KNOP1: variants seen among roughly 807,000 people sequenced by gnomAD.
KNOP1 encodes lysine rich nucleolar protein 1, also known as lysine-rich nucleolar protein 1.
In KNOP1, 20 loss-of-function variants were observed where a neutral mutation model predicts 30.6. The observed-to-expected ratio is 0.65, with a 90% CI of 0.46 to 0.95. The LOEUF (loss-of-function observed/expected upper bound fraction) is 0.95. Ranked by LOEUF, KNOP1 falls within the 40% of genes least tolerant of loss-of-function variation. The pLI is 0.00. For synonymous variants in KNOP1, 204 were observed against 210.0 expected, an observed-to-expected ratio of 0.97 and a Z score of 0.25; for missense variants, 540 against 562.0, an observed-to-expected ratio of 0.96 and a Z score of 0.40.
chr16:19,706,515 A>G lies in KNOP1; in HGVS notation c.*395T>C, dbSNP rs540401540. 5.0e-6 allele frequency: 1 copy of G among 201,388 alleles called. No homozygotes were observed. Among genetic ancestry groups the G allele is most frequent in the South Asian group, 9.8e-5 (1 of 10,216 alleles). The allele number at this position is 201,388 out of a possible 1,614,324, so 12.5% of individuals were successfully genotyped here. ...CCTAGTACCTGCTAAACACTCAACAAAAGTTAACTGTACATACTGATGTCT... is the reference window on the plus strand; with the variant it reads ...CCTAGTACCTGCTAAACACTCAACAGAAGTTAACTGTACATACTGATGTCT... On this transcript the variant is annotated 3_prime_UTR_variant, in exon 5 of 5. Transcript: ENST00000219837.
At position 19,714,391 on chromosome 16, in the gene KNOP1, T is replaced by C. The variant is rs377556517; in HGVS notation, c.645A>G (p.Lys215=). The change falls in exon 2 of 5, where the codon AAA becomes AAG. Residue 215 remains lysine (K), a synonymous_variant. Coordinates refer to ENST00000219837, the MANE Select transcript of KNOP1 (RefSeq NM_001012991.3). ...PREHNGKVKK[K]KKIHQEGDAL... ...CATCTCCCTCCTGGTGGATTTTTTT[T>C]TTCTTCTTCACCTTCCCATTGTGTT... is the stretch of plus-strand genomic sequence containing the variant. The C allele has an allele frequency of 3.5e-4, 566 of 1,614,008 alleles. 1 individual carries two copies. The African/African-American group carries it at 6.7e-3, about 19-fold the overall frequency.
intron 2 of KNOP1, chr16:19,711,663 T>C: frequency 1.8e-6 from 1 of 562,648 alleles, no homozygotes; most frequent in Non-Finnish European, 3.2e-6. Context: ...ATTTGACGGA[T>C]GAAGAAACTG....
rs898196465 is a variant in KNOP1, at chr16:19,705,273, G to C, written c.*1637C>G. 8.8e-6 allele frequency: 4 copies of C among 455,884 alleles called. No homozygotes were observed. The highest frequency in any genetic ancestry group is 2.4e-5 in the Admixed American group (1 of 42,536). The allele number at this position is 455,884 out of a possible 1,614,324, so 28.2% of individuals were successfully genotyped here. On this transcript the variant is annotated 3_prime_UTR_variant, in exon 5 of 5. Transcript: ENST00000219837. ...CGTGAGACTGAACTTTCTGGCCATC[G>C]AGGCCTGCCTGGGCTGGGATGTCTG...
chr16:19,714,814 G>A lies in KNOP1; in HGVS notation c.222C>T (p.Val74=), dbSNP rs1318548510. The A allele has an allele frequency of 1.4e-5, 22 of 1,613,716 alleles. No homozygotes were observed. The highest frequency in any genetic ancestry group is 1.9e-5 in the Non-Finnish European group (22 of 1,179,908). Residue 74 remains valine, a synonymous_variant, in exon 2 of 5, where the codon GTC becomes GTT. Coordinates refer to ENST00000219837, the MANE Select transcript of KNOP1 (RefSeq NM_001012991.3). ...VKKKKKKKKG[V]STLCEEHVEP... Reference sequence around the variant, plus strand: ...CTACATGCTCCTCGCAAAGGGTGCTGACACCCTTCTTTTTCTTCTTCTTTT... The same window carrying A: ...CTACATGCTCCTCGCAAAGGGTGCTAACACCCTTCTTTTTCTTCTTCTTTT...
At position 19,705,023 on chromosome 16, in the gene KNOP1, A is replaced by G; in HGVS notation, c.*1887T>C. The G allele has an allele frequency of 2.8e-6, 1 of 363,554 alleles. No homozygotes were observed. Among genetic ancestry groups the G allele is most frequent in the Non-Finnish European group, 5.5e-6 (1 of 182,092 alleles). 22.5% of individuals were successfully genotyped at this position (363,554 alleles called of 1,614,324 possible). On this transcript the variant is annotated 3_prime_UTR_variant, in exon 5 of 5. Coordinates refer to ENST00000219837, the MANE Select transcript of KNOP1 (RefSeq NM_001012991.3). ...GCCTTCCCATGACAGGGGCGGGTGC[A>G]GCTATGGGCAGATGACTCATTGCCC... is the stretch of plus-strand genomic sequence containing the variant.
intron 2 of KNOP1, among the ~76,000 whole-genome samples, chr16:19,713,723 C>A (rs1044680403): frequency 2.0e-5 from 3 of 152,294 alleles, no homozygotes; most frequent in Non-Finnish European, 2.9e-5. Flanking sequence ...ACAGGCACTA[C>A]GTTATCTCAT....
chr16:19,711,505 C>T (rs1976720391), intron 2 of KNOP1, 65 bp from the exon 3 acceptor site: 11 of 1,500,886 alleles, frequency 7.3e-6, no homozygotes, highest in African/African-American at 1.4e-5. Context: ...CCTCTGCACC[C>T]AGCCAGGGTG....
rs1023551043 is a variant in KNOP1, at chr16:19,710,722, G to C, written c.988-136C>G. The C allele has an allele frequency of 4.3e-6, 3 of 700,514 alleles. No homozygotes were observed. In the Admixed American group the frequency reaches 6.5e-5, roughly 15 times the overall value. 43.4% of individuals were successfully genotyped at this position (700,514 alleles called of 1,614,324 possible). ...AGCTTGACTCTGCTACAAACAATGG[G>C]AAGCTGCTATCATAAGTATTCTCTT... On this transcript the variant is annotated intron_variant, in intron 3 of 4. Coordinates refer to ENST00000219837, the MANE Select transcript of KNOP1 (RefSeq NM_001012991.3).
At position 19,704,900 on chromosome 16, in the gene KNOP1, C is replaced by G; in HGVS notation, c.*2010G>C. ...GGATCAGGGTTCAGAGCCAGGGAAA[C>G]TGCCTGAAGTGCCTGCCTCACCTCT... On this transcript the variant is annotated 3_prime_UTR_variant, in exon 5 of 5. Transcript: ENST00000219837. 1 of 281,572 alleles carries G rather than the reference C, an allele frequency of 3.6e-6. No individual in the cohort carries two copies. Among genetic ancestry groups the G allele is most frequent in the Non-Finnish European group, 7.0e-6 (1 of 142,648 alleles). The allele number at this position is 281,572 out of a possible 1,614,324, so 17.4% of individuals were successfully genotyped here. A position where few individuals can be genotyped will look rare whatever the true frequency, so the allele number is the denominator to read the frequency against.
chr16:19,716,937 G>A (rs1977144262), intron 1 of KNOP1, among the ~76,000 whole-genome samples: 1 of 152,184 alleles, frequency 6.6e-6, no homozygotes. Context: ...CCACCTCCCG[G>A]GTTCAAGCAA....
intron 4 of KNOP1, among the ~76,000 whole-genome samples, chr16:19,709,255 CAGATCTTT>C (rs1439023190): frequency 6.6e-6 from 1 of 152,208 alleles, no homozygotes; most frequent in Non-Finnish European, 1.5e-5. Flanking sequence ...GTAGTGAAAT[CAGATCTTT>C]TGATCCGAAT....
At chr16:19,713,673 TA>T (rs1407645018) in intron 2 of KNOP1, among the ~76,000 whole-genome samples, 2 of 152,186 alleles carry the variant, frequency 1.3e-5, no homozygotes, top group East Asian at 3.9e-4. Flanking sequence ...ATTTGATGTA[TA>T]AATTGTGTAT....
At chr16:19,709,300 C>T (rs765026382) in intron 4 of KNOP1, among the ~76,000 whole-genome samples, 53 of 152,334 alleles carry the variant, frequency 3.5e-4, no homozygotes, top group Non-Finnish European at 5.7e-4. Flanking sequence ...AATGCTCTGA[C>T]GGAGCCTGAA....
Position 19,714,192 on chromosome 16 carries a change from C to T in KNOP1, c.844G>A (p.Glu282Lys), listed in dbSNP as rs764917120. 10 of 1,613,996 alleles carry T rather than the reference C, an allele frequency of 6.2e-6. No homozygotes were observed. The highest frequency in any genetic ancestry group is 1.6e-4 in the Middle Eastern group (1 of 6,084). The change falls in exon 2 of 5, where the codon GAG becomes AAG. Residue 282 changes from glutamate (E) to lysine (K), a missense_variant. Coordinates refer to ENST00000219837, the MANE Select transcript of KNOP1 (RefSeq NM_001012991.3). ...TTCTTCCTTTTCAGAGCTGGCTCCT[C>T]GATGACTGGCTGCTCTACCTTCTTT... is the stretch of plus-strand genomic sequence containing the variant. Reference protein sequence around the residue: ...SKKKVEQPVIEEPALKRKKKK... With the variant: ...SKKKVEQPVIKEPALKRKKKK...
In KNOP1 at chr16:19,707,022, C is replaced by CG; in HGVS notation, c.1264dup (p.Arg422ProfsTer26). ...CCGGCTGTACTTCCAGCTCATGGCC[C>CG]GGTCGTAGTCCCGCTGCAGATTCTG... is the stretch of plus-strand genomic sequence containing the variant. On this transcript the variant is annotated frameshift_variant, in exon 5 of 5. Transcript: ENST00000219837. LOFTEE classifies it high-confidence loss of function. 1 of 1,614,116 alleles carries CG rather than the reference C, an allele frequency of 6.2e-7. No individual in the cohort carries two copies.
chr16:19,717,328 C>T (rs1203715851), intron 1 of KNOP1: 2 of 985,278 alleles, frequency 2.0e-6, no homozygotes, highest in African/African-American at 3.5e-5. Context: ...GATAAAGGAG[C>T]TTGCAAAGAA....
At chr16:19,711,113 C>T (rs1597467175) in intron 3 of KNOP1, among the ~76,000 whole-genome samples, 1 of 152,240 alleles carries the variant, frequency 6.6e-6, no homozygotes, top group Non-Finnish European at 1.5e-5. Context: ...ATGTCCCCCA[C>T]ATCCTGCAGC....
At position 19,707,076 on chromosome 16, in the gene KNOP1, A is replaced by G. The variant is rs747407192; in HGVS notation, c.1211T>C (p.Leu404Pro). 5.6e-6 allele frequency: 9 copies of G among 1,614,114 alleles called. No homozygotes were observed. The South Asian group carries it at 7.7e-5, about 14-fold the overall frequency. ...CAGGCTGTCAGCCGCCTTCTTGCCG[A>G]GGGCCATGTTGGGCCTTGCAATCGT... ...ASTIARPNMA[L>P]GKKAADSLQQ... The change falls in exon 5 of 5, where the codon CTC becomes CCC. Residue 404 changes from leucine (L) to proline (P), a missense_variant. Physicochemically the swap from Leu to Pro is moderately conservative, Grantham distance 98. Transcript: ENST00000219837.
chr16:19,714,247 C>T lies in KNOP1; in HGVS notation c.789G>A (p.Lys263=), dbSNP rs1976870008. ...ACTTCATCTTTTTCTTTGCGGAGGC[C>T]TTAGGGTCATCACTTATGGGGATGT... ...PEYIPISDDP[K]ASAKKKMKSK... Residue 263 remains lysine, a synonymous_variant, in exon 2 of 5, where the codon AAG becomes AAA. Coordinates refer to ENST00000219837, the MANE Select transcript of KNOP1 (RefSeq NM_001012991.3). 1 of 1,613,978 alleles carries T rather than the reference C, an allele frequency of 6.2e-7. No homozygotes were observed. Among genetic ancestry groups the T allele is most frequent in the African/African-American group, 1.3e-5 (1 of 74,902 alleles).
Sources: allele counts gnomAD v4.1 joint callset (sites outside exome capture counted in the v4.1 genomes callset), GRCh38; gene constraint gnomAD v4.1.1; transcripts MANE v1.5; gene names NCBI Gene and HGNC (gene_info 2026-07-23, HGNC 2026-07-21).